Variants in CREB5 observed in about 807,000 individuals in gnomAD.
CREB5 encodes the protein cyclic AMP-responsive element-binding protein 5.
In CREB5, 19 loss-of-function variants were observed where a neutral mutation model predicts 57.1. The ratio of observed to expected loss-of-function variants is 0.33; its 90% CI spans 0.23 to 0.49. The LOEUF (loss-of-function observed/expected upper bound fraction) is 0.49, where lower values mean the gene tolerates loss of function less well. Ranked by LOEUF, CREB5 falls within the 20% of genes least tolerant of loss-of-function variation. The pLI, the probability that CREB5 is intolerant of heterozygous loss-of-function variation, is 0.99. For missense variants in CREB5, 579 were observed against 671.6 expected, an observed-to-expected ratio of 0.86 and a Z score of 1.52; for synonymous variants, 238 against 238.3, an observed-to-expected ratio of 1.00 and a Z score of 0.01.
chr7:28,685,075 AAG>A (rs1454408510), intron 5 of CREB5, among the ~76,000 whole-genome samples: 3 of 152,182 alleles, frequency 2.0e-5, no homozygotes, highest in African/African-American at 7.2e-5. Context: ...GTAATTAAAA[AAG>A]AGACACACAT....
chr7:28,349,153 G>A (rs780130456), intron 1 of CREB5, among the ~76,000 whole-genome samples: 6 of 152,124 alleles, frequency 3.9e-5, no homozygotes, highest in Non-Finnish European at 7.4e-5. Flanking sequence ...TGATGCCTGG[G>A]TGGAGAGGAA....
At chr7:28,420,478 A>G (rs1788198271) in intron 1 of CREB5, among the ~76,000 whole-genome samples, 1 of 152,216 alleles carries the variant, frequency 6.6e-6, no homozygotes, top group South Asian at 2.1e-4. Flanking sequence ...AACAGTGTGA[A>G]TATACTTAGC....
intron 7 of CREB5, among the ~76,000 whole-genome samples, chr7:28,737,580 TATATA>T (rs1562606905): frequency 2.3e-4 from 8 of 34,638 alleles, no homozygotes; most frequent in African/African-American, 7.5e-4. Context: ...TATATATATA[TATATA>T]TATTTTTAAC....
At chr7:28,568,678 C>A (rs1795575832) in intron 4 of CREB5, among the ~76,000 whole-genome samples, 1 of 152,142 alleles carries the variant, frequency 6.6e-6, no homozygotes, top group Non-Finnish European at 1.5e-5. Context: ...CCTGTTCCTG[C>A]CTTTGGGGTC....
At chr7:28,566,479 C>A (rs1795484264) in intron 4 of CREB5, among the ~76,000 whole-genome samples, 1 of 152,186 alleles carries the variant, frequency 6.6e-6, no homozygotes, top group Non-Finnish European at 1.5e-5. Flanking sequence ...TCACATCTAC[C>A]CCTCTGTACT....
intron 5 of CREB5, among the ~76,000 whole-genome samples, chr7:28,603,298 T>G (rs1359478363): frequency 6.6e-6 from 1 of 152,206 alleles, no homozygotes; most frequent in Non-Finnish European, 1.5e-5. Flanking sequence ...ACTTTATGTA[T>G]AATTGAATGA....
chr7:28,655,561 G>A (rs1247483129), intron 5 of CREB5, among the ~76,000 whole-genome samples: 5 of 152,276 alleles, frequency 3.3e-5, no homozygotes, highest in Non-Finnish European at 7.4e-5. Context: ...GCTGCTGTGA[G>A]CTGCGTTCAT....
At chr7:28,355,102 G>C (rs1242565751) in intron 1 of CREB5, among the ~76,000 whole-genome samples, 1 of 152,226 alleles carries the variant, frequency 6.6e-6, no homozygotes, top group African/African-American at 2.4e-5. Context: ...TAATGCAAGT[G>C]ACTTGCAATT....
At chr7:28,440,878 C>T (rs1485375620) in intron 1 of CREB5, among the ~76,000 whole-genome samples, 2 of 152,156 alleles carry the variant, frequency 1.3e-5, no homozygotes, top group South Asian at 2.1e-4. Flanking sequence ...TGGGGAGGTC[C>T]AAGGAGATTG....
chr7:28,410,406 C>T, upstream of CREB5: 1 of 456,768 alleles, frequency 2.2e-6, no homozygotes, highest in South Asian at 1.5e-5. Flanking sequence ...GCGGCAGATT[C>T]TCGGCAGAAT....
At chr7:28,817,425 T>C (rs1256259967) in intron 9 of CREB5, among the ~76,000 whole-genome samples, 1 of 152,188 alleles carries the variant, frequency 6.6e-6, no homozygotes, top group Non-Finnish European at 1.5e-5. Context: ...TATTTTCAGA[T>C]ATTCTTTTTA....
At chr7:28,525,911 C>T (rs1211063009) in intron 4 of CREB5, among the ~76,000 whole-genome samples, 1 of 152,064 alleles carries the variant, frequency 6.6e-6, no homozygotes, top group Non-Finnish European at 1.5e-5. Context: ...TAAATGAAAC[C>T]TCATATATAA....
intron 1 of CREB5, among the ~76,000 whole-genome samples, chr7:28,306,279 C>T (rs1785180980): frequency 6.6e-6 from 1 of 152,166 alleles, no homozygotes; most frequent in Non-Finnish European, 1.5e-5. Flanking sequence ...CTCTTTTCTA[C>T]ACCTTCGTTT....
chr7:28,816,040 G>A (rs1308095742), intron 9 of CREB5, among the ~76,000 whole-genome samples: 1 of 144,058 alleles, frequency 6.9e-6, no homozygotes, highest in Non-Finnish European at 1.5e-5. Context: ...ATTTCCTTCT[G>A]AAGCAAATAT....
At chr7:28,783,332 T>A (rs1807100439) in intron 7 of CREB5, among the ~76,000 whole-genome samples, 1 of 152,226 alleles carries the variant, frequency 6.6e-6, no homozygotes, top group Admixed American at 6.5e-5. Context: ...CATATTCTTA[T>A]ATTAGATTCA....
intron 2 of CREB5, among the ~76,000 whole-genome samples, chr7:28,492,352 A>G (rs1315844804): frequency 6.6e-6 from 1 of 152,186 alleles, no homozygotes; most frequent in African/African-American, 2.4e-5. Flanking sequence ...CTCAGAAGGA[A>G]GAGTTTCTCT....
rs1803206675 is a variant in CREB5 at position 28,724,258 on chromosome 7, G to A, written c.628G>A (p.Gly210Arg). The A allele has an allele frequency of 1.9e-6, 3 of 1,613,402 alleles. No individual in the cohort carries two copies. The highest frequency in any genetic ancestry group is 2.7e-5 in the African/African-American group (2 of 74,894). ...RQMSVNSSIMGMQGPNLSNPC... is the reference protein window; with the variant it reads ...RQMSVNSSIMRMQGPNLSNPC... ...AATGTCAGTGAACTCCAGCATCATGGGGATGCAAGGTCCAAATCTCAGCAA... is the reference window on the plus strand; with the variant it reads ...AATGTCAGTGAACTCCAGCATCATGAGGATGCAAGGTCCAAATCTCAGCAA... Residue 210 changes from glycine to arginine, a missense_variant, in exon 7 of 11, where the codon GGG becomes AGG. This residue lies in a region of CREB5 where 459 missense variants were observed against 515.7 expected (regional missense o/e 0.89). Coordinates refer to ENST00000357727, the MANE Select transcript of CREB5 (RefSeq NM_182898.4).
intron 1 of CREB5, among the ~76,000 whole-genome samples, chr7:28,453,312 G>A (rs761656944): frequency 1.1e-4 from 17 of 152,010 alleles, no homozygotes; most frequent in Non-Finnish European, 2.2e-4. Flanking sequence ...GGTGGCACAC[G>A]CCTGTAGTCC....
intron 1 of CREB5, among the ~76,000 whole-genome samples, chr7:28,483,255 T>G (rs1406048137): frequency 1.3e-5 from 2 of 152,226 alleles, no homozygotes; most frequent in Non-Finnish European, 2.9e-5. Context: ...ATGGATTGCA[T>G]GAGACATTGT....
Sources: allele counts gnomAD v4.1 joint callset (sites outside exome capture counted in the v4.1 genomes callset), GRCh38; gene constraint gnomAD v4.1.1; regional missense constraint gnomAD v4.1.1; transcripts MANE v1.5; gene names NCBI Gene and HGNC (gene_info 2026-07-23, HGNC 2026-07-21).